Variants in NRG1 observed in about 807,000 individuals in gnomAD.
NRG1 encodes the protein pro-neuregulin-1, membrane-bound isoform.
A neutral mutation model predicts 63.8 loss-of-function variants in NRG1; 18 were observed. That is an observed-to-expected ratio of 0.28 (90% CI 0.19 to 0.42). The LOEUF is 0.42. NRG1 is among the 10% of genes least tolerant of loss of function. The probability of loss-of-function intolerance (pLI) is 1.00; values close to 1 mark genes in which losing one functional copy is unlikely to be tolerated. For missense variants in NRG1, 762 were observed against 814.7 expected (o/e 0.94, Z 0.79); for synonymous variants, 302 against 301.3 (o/e 1.00, Z -0.02).
In NRG1 at chr8:31,964,261, G is replaced by A. The variant is rs113069526; in HGVS notation, c.37+324830G>A. Among the ~76,000 whole-genome samples the A allele has an allele frequency of 8.5e-5, 13 of 152,324 alleles. 1 individual carries two copies. The highest frequency in any genetic ancestry group is 3.1e-4 in the African/African-American group (13 of 41,578). Reference sequence around the variant, plus strand: ...GAAACAGACAGCTAGTGCCAGTAAGGCTCCTATATCATAGAAGTCTAGGAA... The same window carrying A: ...GAAACAGACAGCTAGTGCCAGTAAGACTCCTATATCATAGAAGTCTAGGAA... On this transcript the variant is annotated intron_variant, in intron 1 of 10. Transcript: ENST00000519301.
At chr8:31,883,527 A>G (rs879682861) in intron 1 of NRG1, among the ~76,000 whole-genome samples, 1 of 152,160 alleles carries the variant, frequency 6.6e-6, no homozygotes, top group African/African-American at 2.4e-5. Context: ...CTTTTGGAGA[A>G]GCTGAGCTGT....
At chr8:32,751,803 T>A (rs1828789521) in intron 7 of NRG1, among the ~76,000 whole-genome samples, 1 of 152,174 alleles carries the variant, frequency 6.6e-6, no homozygotes, top group Non-Finnish European at 1.5e-5. Context: ...CTACACTGCA[T>A]AGAAAGAATG....
intron 1 of NRG1, among the ~76,000 whole-genome samples, chr8:32,170,808 G>A (rs1334825056): frequency 1.3e-5 from 2 of 152,122 alleles, no homozygotes; most frequent in Non-Finnish European, 2.9e-5. Flanking sequence ...GCTTCTAGTC[G>A]ATATTTGGTT....
At chr8:32,444,028 TC>T (rs1466210615) in intron 1 of NRG1, among the ~76,000 whole-genome samples, 3 of 79,530 alleles carry the variant, frequency 3.8e-5, no homozygotes, top group Non-Finnish European at 6.4e-5. Context: ...TTCTTTCTTT[TC>T]CTTCCTTCCT....
At chr8:32,731,174 A>T (rs1823561324) in intron 6 of NRG1, among the ~76,000 whole-genome samples, 1 of 152,178 alleles carries the variant, frequency 6.6e-6, no homozygotes, top group South Asian at 2.1e-4. Flanking sequence ...CAATCGCGTA[A>T]GTGCTGTTCA....
intron 1 of NRG1, among the ~76,000 whole-genome samples, chr8:32,224,743 A>C (rs1298100540): frequency 6.6e-6 from 1 of 152,324 alleles, no homozygotes; most frequent in Admixed American, 6.5e-5. Flanking sequence ...AGCTGAATGG[A>C]AAGAACACTG....
intron 1 of NRG1, among the ~76,000 whole-genome samples, chr8:31,787,554 A>G (rs1000056455): frequency 1.3e-5 from 2 of 152,324 alleles, no homozygotes; most frequent in South Asian, 2.1e-4. Flanking sequence ...GCAAACCTAG[A>G]AAAGTACACA....
chr8:32,654,306 A>G (rs1352043389), intron 5 of NRG1, among the ~76,000 whole-genome samples: 3 of 152,214 alleles, frequency 2.0e-5, no homozygotes, highest in African/African-American at 7.2e-5. Flanking sequence ...TAAAACTTTT[A>G]TCACCCTATA....
intron 5 of NRG1, chr8:32,648,213 T>G (rs960558524): frequency 1.2e-6 from 2 of 1,614,000 alleles, no homozygotes; most frequent in African/African-American, 2.7e-5. Flanking sequence ...TGTTGTCTCC[T>G]TTGAACCATC....
rs1212140032 is a variant in NRG1 at position 32,358,267 on chromosome 8, C to A, written c.38-237561C>A. Among the ~76,000 whole-genome samples the A allele has an allele frequency of 2.0e-5, 3 of 148,450 alleles. No individual in the cohort carries two copies. The Admixed American group carries it at 2.1e-4, about 10-fold the overall frequency. Reference sequence around the variant, plus strand: ...GCCCCAGAATGCCTCCTGCTGACTTCTTTTACGTGGGAGAGTAAGCATTTG... The same window carrying A: ...GCCCCAGAATGCCTCCTGCTGACTTATTTTACGTGGGAGAGTAAGCATTTG... On this transcript the variant is annotated intron_variant, in intron 1 of 10. Transcript: ENST00000519301.
intron 11 of NRG1, chr8:32,763,457 T>A: frequency 7.7e-7 from 1 of 1,307,016 alleles, no homozygotes; most frequent in Non-Finnish European, 1.1e-6. Context: ...CTTCTTGTCT[T>A]GGCTCATATG....
intron 5 of NRG1, among the ~76,000 whole-genome samples, chr8:32,637,573 A>G (rs1240169833): frequency 6.6e-6 from 1 of 152,116 alleles, no homozygotes; most frequent in Non-Finnish European, 1.5e-5. Context: ...TTTTTGGTAC[A>G]GTTTGTGTTT....
At chr8:32,279,141 A>G (rs1254760708) in intron 1 of NRG1, among the ~76,000 whole-genome samples, 1 of 152,208 alleles carries the variant, frequency 6.6e-6, no homozygotes, top group Admixed American at 6.5e-5. Context: ...GGGCTGGCCT[A>G]CCGCAGAGCT....
intron 1 of NRG1, among the ~76,000 whole-genome samples, chr8:31,908,405 T>C (rs1053185927): frequency 2.0e-5 from 3 of 152,208 alleles, no homozygotes; most frequent in Admixed American, 2.0e-4. Flanking sequence ...TTGTTAGGGC[T>C]CCATTTGTAT....
intron 1 of NRG1, among the ~76,000 whole-genome samples, chr8:32,112,715 G>A (rs2131464817): frequency 6.6e-6 from 1 of 152,266 alleles, no homozygotes; most frequent in Non-Finnish European, 1.5e-5. Flanking sequence ...CATAGAAGTG[G>A]TGGAGAATAT....
intron 5 of NRG1, among the ~76,000 whole-genome samples, chr8:32,710,174 G>T (rs1421217229): frequency 6.6e-6 from 1 of 152,122 alleles, no homozygotes; most frequent in Non-Finnish European, 1.5e-5. Flanking sequence ...AGAGTTTCTT[G>T]TGTGTGATTT....
intron 1 of NRG1, among the ~76,000 whole-genome samples, chr8:32,530,393 C>A (rs1174445155): frequency 1.3e-5 from 2 of 152,154 alleles, no homozygotes; most frequent in Admixed American, 6.5e-5. Flanking sequence ...AGGCGTGAGC[C>A]ACCGCGCCCA....
intron 1 of NRG1, among the ~76,000 whole-genome samples, chr8:32,485,084 G>C (rs1825750419): frequency 1.3e-5 from 2 of 151,908 alleles, no homozygotes; most frequent in Admixed American, 1.3e-4. Flanking sequence ...TTCCTCTGCA[G>C]TGCTCAGTAT....
At chr8:31,983,110 G>A (rs920832571) in intron 1 of NRG1, among the ~76,000 whole-genome samples, 2 of 152,014 alleles carry the variant, frequency 1.3e-5, no homozygotes, top group Non-Finnish European at 2.9e-5. Context: ...TCAGCCCCCT[G>A]GAAAAAAGTC....
Sources: allele counts gnomAD v4.1 joint callset (sites outside exome capture counted in the v4.1 genomes callset), GRCh38; gene constraint gnomAD v4.1.1; transcripts MANE v1.5; gene names NCBI Gene and HGNC (gene_info 2026-07-23, HGNC 2026-07-21).